The following B3GALT5 variants were observed in gnomAD, a reference collection of about 807,000 sequenced individuals.
The protein encoded by B3GALT5 is beta-1,3-galactosyltransferase 5.
For synonymous variants in B3GALT5, 156 were observed against 158.6 expected, an observed-to-expected ratio of 0.98 and a Z score of 0.12; for missense variants, 328 against 396.6, an observed-to-expected ratio of 0.83 and a Z score of 1.47.
intron 1 of B3GALT5, among the ~76,000 whole-genome samples, chr21:39,623,797 T>G (rs1373299494): frequency 6.6e-6 from 1 of 152,202 alleles, no homozygotes; most frequent in East Asian, 1.9e-4. Context: ...TCATGGTGAG[T>G]ACCTAGAGTC....
chr21:39,659,712 C>T (rs1303938020), intron 2 of B3GALT5, 41 bp from the exon 3 acceptor site: 33 of 976,644 alleles, frequency 3.4e-5, no homozygotes, highest in Non-Finnish European at 3.9e-5. Flanking sequence ...GCTGGTAAGG[C>T]ACGAGTGATT....
chr21:39,670,543 G>C lies in B3GALT5; in HGVS notation c.*9051G>C, dbSNP rs2079618065. 1 of 152,250 alleles carries C rather than the reference G, an allele frequency of 6.6e-6. No individual in the cohort carries two copies. Among genetic ancestry groups the C allele is most frequent in the South Asian group, 2.1e-4 (1 of 4,828 alleles). The allele number at this position is 152,250 out of a possible 1,614,324, so 9.4% of individuals were successfully genotyped here. ...CCCATGTTCAGTAAGGTGGAAGCCAGCTGCAGGCGTGGTCCACAGTTCCAG... is the reference window on the plus strand; with the variant it reads ...CCCATGTTCAGTAAGGTGGAAGCCACCTGCAGGCGTGGTCCACAGTTCCAG... On this transcript the variant is annotated 3_prime_UTR_variant, in exon 4 of 4. Coordinates refer to ENST00000684187, the MANE Select transcript of B3GALT5 (RefSeq NM_001356336.2).
At chr21:39,639,424 CTTTCTTTCTTTCTTTCTT>C (rs559136310) in intron 1 of B3GALT5, among the ~76,000 whole-genome samples, 1,506 of 114,362 alleles carry the variant, frequency 0.013, 29 homozygotes, top group Non-Finnish European at 0.017. Flanking sequence ...TTCTTTCTTT[CTTTCTTTCTTTCTTTCTT>C]TCTTTCTTTC....
chr21:39,629,506 T>A (rs2079181207), intron 1 of B3GALT5, among the ~76,000 whole-genome samples: 1 of 152,026 alleles, frequency 6.6e-6, no homozygotes, highest in South Asian at 2.1e-4. Flanking sequence ...TTTAATTTTA[T>A]TATTCCTGCT....
At chr21:39,620,460 T>C (rs1460910963) in intron 1 of B3GALT5, among the ~76,000 whole-genome samples, 1 of 152,230 alleles carries the variant, frequency 6.6e-6, no homozygotes, top group Non-Finnish European at 1.5e-5. Context: ...GTAGAGTCTC[T>C]TGGATGTTTT....
At position 39,673,011 on chromosome 21, in the gene B3GALT5, A is replaced by G. The variant is rs1477633433; in HGVS notation, c.*11519A>G. The G allele has an allele frequency of 1.3e-5, 2 of 152,172 alleles. No homozygotes were observed. Among genetic ancestry groups the G allele is most frequent in the Non-Finnish European group, 2.9e-5 (2 of 68,026 alleles). The allele number at this position is 152,172 out of a possible 1,614,324, so 9.4% of individuals were successfully genotyped here. A position where few individuals can be genotyped will look rare whatever the true frequency, so the allele number is the denominator to read the frequency against. On this transcript the variant is annotated 3_prime_UTR_variant, in exon 4 of 4. Coordinates refer to ENST00000684187, the MANE Select transcript of B3GALT5 (RefSeq NM_001356336.2). This position sits in a 1 kb window ranked among gnomAD's most constrained non-coding sequence, Gnocchi z 5.2. ...TAAAAGCTATCATTTAAGTTGAAGA[A>G]ATCAAGTCTTGTGAATTGATACGAT...
In B3GALT5 at chr21:39,661,638, A is replaced by ATTAGTTCCCACTTGGTGCCCCAG; in HGVS notation, c.*147_*169dup. 3 of 765,288 alleles carry ATTAGTTCCCACTTGGTGCCCCAG rather than the reference A, an allele frequency of 3.9e-6. No individual in the cohort carries two copies. The highest frequency in any genetic ancestry group is 5.8e-6 in the Non-Finnish European group (3 of 515,470). The allele number at this position is 765,288 out of a possible 1,614,324, so 47.4% of individuals were successfully genotyped here. ...AATGTCGGTGTTCATGAAGTCACTG[A>ATTAGTTCCCACTTGGTGCCCCAG]TTAGTTCCCACTTGGTGCCCCAGGC... On this transcript the variant is annotated 3_prime_UTR_variant, in exon 4 of 4. Transcript: ENST00000684187. The surrounding 1 kb of genome is among the most constrained non-coding windows in gnomAD (Gnocchi z 4.7).
chr21:39,629,671 T>C (rs2079181904), intron 1 of B3GALT5, among the ~76,000 whole-genome samples: 1 of 152,198 alleles, frequency 6.6e-6, no homozygotes, highest in African/African-American at 2.4e-5. Flanking sequence ...AGGAATCATA[T>C]CTAGTGTTCT....
rs538713200 is a variant in B3GALT5, at chr21:39,663,438, T to TTCCCC, written c.*1966_*1970dup. ...AAGGATTTTCTTTGAGACCCATTGT[T>TTCCCC]TCCCCTCCCCTCCCCTCCCCTCCCA... On this transcript the variant is annotated 3_prime_UTR_variant, in exon 4 of 4. Transcript: ENST00000684187. 2 of 151,800 alleles carry TTCCCC rather than the reference T, an allele frequency of 1.3e-5. No homozygotes were observed. Among genetic ancestry groups the TTCCCC allele is most frequent in the East Asian group, 1.9e-4 (1 of 5,146 alleles). The allele number at this position is 151,800 out of a possible 1,614,324, so 9.4% of individuals were successfully genotyped here.
At chr21:39,620,219 T>C (rs1450935433) in intron 1 of B3GALT5, among the ~76,000 whole-genome samples, 1 of 152,224 alleles carries the variant, frequency 6.6e-6, no homozygotes, top group Non-Finnish European at 1.5e-5. Flanking sequence ...CCATATTGCA[T>C]TGGGTTTTCA....
chr21:39,660,506 C>G, intron 3 of B3GALT5, 54 bp from the exon 4 acceptor site: 1 of 1,356,820 alleles, frequency 7.4e-7, no homozygotes, highest in Non-Finnish European at 9.6e-7. Flanking sequence ...TAGCATAAAA[C>G]TAGACACATC....
At chr21:39,658,653 A>T (rs2079475337) in intron 2 of B3GALT5, among the ~76,000 whole-genome samples, 1 of 152,062 alleles carries the variant, frequency 6.6e-6, no homozygotes, top group South Asian at 2.1e-4. Context: ...GAAAGAAAGA[A>T]AAGAAAGAAA....
At chr21:39,646,015 C>T (rs529000) in intron 1 of B3GALT5, among the ~76,000 whole-genome samples, 20,305 of 150,614 alleles carry the variant, frequency 0.13, 1,725 homozygotes, top group African/African-American at 0.24. Context: ...CCTTGCACGG[C>T]TGGAGTAAAG....
rs1433538364 is a variant in B3GALT5, at chr21:39,639,342, C to CTT, written c.-391-7048_-391-7047dup. ...TCTTTCTTTCTTTCTTTCTTTCTTT[C>CTT]TTTCTTTCCTTCCTTCCTTCCTTCC... On this transcript the variant is annotated intron_variant, in intron 1 of 3. Coordinates refer to ENST00000684187, the MANE Select transcript of B3GALT5 (RefSeq NM_001356336.2). Among the ~76,000 whole-genome samples, 94 of 122,588 alleles carry CTT rather than the reference C, an allele frequency of 7.7e-4. 2 individuals carry two copies. Among genetic ancestry groups the CTT allele is most frequent in the African/African-American group, 2.9e-3 (91 of 31,492 alleles). The allele number at this position is 122,588 out of a possible 152,430, so 80.4% of individuals were successfully genotyped here. A position where few individuals can be genotyped will look rare whatever the true frequency, so the allele number is the denominator to read the frequency against.
intron 1 of B3GALT5, among the ~76,000 whole-genome samples, chr21:39,635,022 A>G (rs1015675547): frequency 6.6e-6 from 1 of 152,178 alleles, no homozygotes. Context: ...TGAAATCAGA[A>G]TGTTCTACCA....
chr21:39,637,870 G>T (rs1039892546), intron 1 of B3GALT5, among the ~76,000 whole-genome samples: 1 of 152,212 alleles, frequency 6.6e-6, no homozygotes, highest in Non-Finnish European at 1.5e-5. Context: ...GGCTGCAAGG[G>T]AGCAAGTGAG....
intron 1 of B3GALT5, among the ~76,000 whole-genome samples, chr21:39,614,049 G>C (rs1335096739): frequency 6.6e-6 from 1 of 152,168 alleles, no homozygotes; most frequent in Non-Finnish European, 1.5e-5. Flanking sequence ...GTCATGTTTC[G>C]TTGGGTGCTT....
chr21:39,622,668 T>G (rs2079140114), intron 1 of B3GALT5, among the ~76,000 whole-genome samples: 1 of 152,142 alleles, frequency 6.6e-6, no homozygotes, highest in South Asian at 2.1e-4. Context: ...AACCTGCTTA[T>G]TGTGTTTCTA....
rs2079558358 is a variant in B3GALT5 at position 39,664,285 on chromosome 21, C to T, written c.*2793C>T. Reference sequence around the variant, plus strand: ...CCTCTCTGGGGTGCCTCCTCAGACTCCCCCAACCATACACGCCTACACCCA... The same window carrying T: ...CCTCTCTGGGGTGCCTCCTCAGACTTCCCCAACCATACACGCCTACACCCA... On this transcript the variant is annotated 3_prime_UTR_variant, in exon 4 of 4. Coordinates refer to ENST00000684187, the MANE Select transcript of B3GALT5 (RefSeq NM_001356336.2). 6.6e-6 allele frequency: 1 copy of T among 152,266 alleles called. No individual in the cohort carries two copies. The highest frequency in any genetic ancestry group is 6.5e-5 in the Admixed American group (1 of 15,280). 9.4% of individuals were successfully genotyped at this position (152,266 alleles called of 1,614,324 possible).
Sources: allele counts gnomAD v4.1 joint callset (sites outside exome capture counted in the v4.1 genomes callset), GRCh38; gene constraint gnomAD v4.1.1; non-coding constraint Gnocchi (gnomAD v3.1); transcripts MANE v1.5; gene names NCBI Gene and HGNC (gene_info 2026-07-23, HGNC 2026-07-21).